ZCWPW2: variants seen among roughly 807,000 people sequenced by gnomAD.
ZCWPW2 encodes zinc finger CW-type and PWWP domain containing 2.
ZCWPW2 carries 45 observed loss-of-function variants against 46.6 expected under a neutral mutation model. That is an observed-to-expected ratio of 0.96 (90% confidence interval 0.76 to 1.24). ZCWPW2 has a LOEUF of 1.24. Among genes scored for constraint, ZCWPW2 ranks in the 50% most tolerant of loss-of-function variants. ZCWPW2 has a pLI of 0.00. For missense variants in ZCWPW2, 429 were observed against 403.9 expected, an observed-to-expected ratio of 1.06 and a Z score of -0.53; for synonymous variants, 152 against 137.1, an observed-to-expected ratio of 1.11 and a Z score of -0.76.
intron 3 of ZCWPW2, among the ~76,000 whole-genome samples, chr3:28,431,517 A>C (rs1479166794): frequency 6.6e-6 from 1 of 152,026 alleles, no homozygotes; most frequent in African/African-American, 2.4e-5. Context: ...GAGACCAGTC[A>C]TACTGGATTA....
chr3:28,441,564 A>C (rs768483800), intron 4 of ZCWPW2, among the ~76,000 whole-genome samples: 1 of 152,106 alleles, frequency 6.6e-6, no homozygotes, highest in Admixed American at 6.6e-5. Context: ...TCTTCTGTCA[A>C]CTGATCATAG....
At chr3:28,367,500 G>A (rs1177989209) in intron 1 of ZCWPW2, among the ~76,000 whole-genome samples, 14 of 152,298 alleles carry the variant, frequency 9.2e-5, no homozygotes, top group African/African-American at 2.2e-4. Flanking sequence ...TTGCACTGTC[G>A]TCTGAGAGAC....
intron 4 of ZCWPW2, among the ~76,000 whole-genome samples, chr3:28,441,680 C>T (rs1373102329): frequency 2.0e-5 from 3 of 152,112 alleles, no homozygotes; most frequent in African/African-American, 7.2e-5. Flanking sequence ...CTTACTTGTG[C>T]CTTCAGGACC....
chr3:28,376,657 A>T (rs983676416), intron 1 of ZCWPW2, among the ~76,000 whole-genome samples: 10 of 152,044 alleles, frequency 6.6e-5, no homozygotes, highest in African/African-American at 2.4e-4. Context: ...CAGTTCTGGG[A>T]TATTGCTCAT....
At chr3:28,456,792 G>C (rs1311922121) in intron 4 of ZCWPW2, among the ~76,000 whole-genome samples, 1 of 152,102 alleles carries the variant, frequency 6.6e-6, no homozygotes, top group Non-Finnish European at 1.5e-5. Flanking sequence ...TGCATATGTT[G>C]AACCAACGTT....
intron 1 of ZCWPW2, among the ~76,000 whole-genome samples, chr3:28,374,105 A>G (rs552178796): frequency 2.0e-5 from 3 of 152,248 alleles, no homozygotes; most frequent in East Asian, 1.9e-4. Context: ...GTTTTCTTAT[A>G]GTAGTTTCAT....
chr3:28,521,192 C>T (rs1437997728), intron 9 of ZCWPW2, 76 bp downstream of exon 9: 3 of 1,447,694 alleles, frequency 2.1e-6, no homozygotes, highest in Non-Finnish European at 2.7e-6. Context: ...CCTAGTTGTA[C>T]ATTTTAAATA....
intron 5 of ZCWPW2, among the ~76,000 whole-genome samples, chr3:28,481,449 G>T (rs1282463529): frequency 6.6e-6 from 1 of 152,048 alleles, no homozygotes; most frequent in Non-Finnish European, 1.5e-5. Flanking sequence ...CACCATATTG[G>T]CCAGACTGGT....
At chr3:28,358,007 A>G (rs1407884061) in intron 1 of ZCWPW2, among the ~76,000 whole-genome samples, 1 of 151,842 alleles carries the variant, frequency 6.6e-6, no homozygotes, top group African/African-American at 2.4e-5. Flanking sequence ...TTATTCACTG[A>G]AATTACCTTA....
intron 4 of ZCWPW2, among the ~76,000 whole-genome samples, chr3:28,477,753 TATA>T (rs1333938635): frequency 6.6e-6 from 1 of 152,116 alleles, no homozygotes; most frequent in African/African-American, 2.4e-5. Context: ...GAGAGAAAAA[TATA>T]ATCTTTATAG....
Position 28,404,101 on chromosome 3 carries a change from CAG to C in ZCWPW2, c.-13-8950_-13-8949del, listed in dbSNP as rs1013427263. 1.8e-4 allele frequency among the ~76,000 whole-genome samples: 28 copies of C among 151,680 alleles called. 1 individual carries two copies. Among genetic ancestry groups the C allele is most frequent in the African/African-American group, 6.8e-4 (28 of 41,286 alleles). On this transcript the variant is annotated intron_variant, in intron 2 of 9. Transcript: ENST00000383768. ...GGAACAGTCAGCAGAATAAAAAACC[CAG>C]AGAGTGGAAAAAAATTCTTCACAAC...
In ZCWPW2 at chr3:28,372,796, C is replaced by A. The variant is rs147974035; in HGVS notation, c.-133-17702C>A. Among the ~76,000 whole-genome samples, 386 of 152,222 alleles carry A rather than the reference C, an allele frequency of 2.5e-3. 1 individual carries two copies. The highest frequency in any genetic ancestry group is 8.4e-3 in the African/African-American group (350 of 41,528). On this transcript the variant is annotated intron_variant, in intron 1 of 9. Coordinates refer to ENST00000383768, the MANE Select transcript of ZCWPW2 (RefSeq NM_001040432.4). ...TTCCCTACCTCTCCGTATTTAAAGT[C>A]CCCAGTGTCTATTATTCCCCTCTGT...
intron 2 of ZCWPW2, among the ~76,000 whole-genome samples, chr3:28,401,946 G>A (rs1695958429): frequency 6.6e-6 from 1 of 151,712 alleles, no homozygotes; most frequent in Non-Finnish European, 1.5e-5. Context: ...AAACTTCTTA[G>A]CCCTAAATGC....
chr3:28,518,205 C>CTT (rs71091004), intron 8 of ZCWPW2, among the ~76,000 whole-genome samples: 4 of 129,864 alleles, frequency 3.1e-5, no homozygotes, highest in Non-Finnish European at 6.5e-5. Flanking sequence ...TCTTTCATTT[C>CTT]TTTTTTTTTT....
At chr3:28,425,420 T>G (rs1172110013) in intron 3 of ZCWPW2, among the ~76,000 whole-genome samples, 4 of 152,168 alleles carry the variant, frequency 2.6e-5, no homozygotes, top group African/African-American at 9.7e-5. Context: ...ATTAACCAAC[T>G]AGAAACAAAT....
chr3:28,421,760 T>A (rs967883768), intron 3 of ZCWPW2, among the ~76,000 whole-genome samples: 7 of 151,664 alleles, frequency 4.6e-5, no homozygotes, highest in African/African-American at 1.7e-4. Context: ...AACATGCAGA[T>A]TTTTTGATAG....
At chr3:28,393,323 AGAT>A (rs1314219751) in intron 2 of ZCWPW2, among the ~76,000 whole-genome samples, 3 of 152,110 alleles carry the variant, frequency 2.0e-5, no homozygotes, top group Middle Eastern at 3.2e-3. Context: ...CTCATCAAAG[AGAT>A]GATAACTTCG....
At position 28,349,014 on chromosome 3, in the gene ZCWPW2, C is replaced by A; in HGVS notation, c.-323C>A. The A allele has an allele frequency of 1.0e-6, 1 of 985,992 alleles. No homozygotes were observed. The highest frequency in any genetic ancestry group is 1.2e-6 in the Non-Finnish European group (1 of 830,454). The allele number at this position is 985,992 out of a possible 1,614,324, so 61.1% of individuals were successfully genotyped here. ...GGGCTGCCGCTGTCCGCGGGCTCGG[C>A]GCCAGGGACGCGCGAGGAAACCGGA... On this transcript the variant is annotated 5_prime_UTR_variant, in exon 1 of 10. Transcript: ENST00000383768.
chr3:28,493,128 TTTTTATTTTA>T (rs1246482948), intron 6 of ZCWPW2, among the ~76,000 whole-genome samples: 1 of 118,206 alleles, frequency 8.5e-6, no homozygotes, highest in Admixed American at 1.0e-4. Flanking sequence ...TCTTTATTTT[TTTTTATTTTA>T]TTTTTTTTAA....
Sources: allele counts gnomAD v4.1 joint callset (sites outside exome capture counted in the v4.1 genomes callset), GRCh38; gene constraint gnomAD v4.1.1; transcripts MANE v1.5; gene names NCBI Gene and HGNC (gene_info 2026-07-23, HGNC 2026-07-21).